The following GALNT14 variants were observed in gnomAD, a reference collection of about 807,000 sequenced individuals.
GALNT14 encodes UDP-GalNAc:polypeptide N-acetylgalactosaminyltransferase 14.
In GALNT14, 60 loss-of-function variants were observed where a neutral mutation model predicts 77.5. That is an observed-to-expected ratio of 0.77 (90% CI 0.63 to 0.96). The LOEUF (loss-of-function observed/expected upper bound fraction) is 0.96, where lower values mean the gene tolerates loss of function less well. Among genes scored for constraint, GALNT14 ranks in the 40% least tolerant of loss-of-function variants. The pLI, the probability that GALNT14 is intolerant of heterozygous loss-of-function variation, is 0.00. For missense variants in GALNT14, 710 were observed against 731.0 expected (o/e 0.97, Z 0.33); for synonymous variants, 280 against 281.7 (o/e 0.99, Z 0.06).
intron 10 of GALNT14, among the ~76,000 whole-genome samples, chr2:30,930,260 C>G (rs1234333354): frequency 2.6e-5 from 4 of 152,180 alleles, no homozygotes; most frequent in African/African-American, 9.7e-5. Flanking sequence ...TCCTCGGGCT[C>G]TTGCTCCTGG....
intron 13 of GALNT14, 72 bp from the exon 14 acceptor site, chr2:30,912,414 T>TA: frequency 6.4e-7 from 1 of 1,557,252 alleles, no homozygotes; most frequent in South Asian, 1.2e-5. Context: ...CAACCACACT[T>TA]ACGGGTGTGA....
rs542253733 is a variant in GALNT14 at position 31,028,634 on chromosome 2, G to A, written c.130-35627C>T. 2.6e-4 allele frequency among the ~76,000 whole-genome samples: 39 copies of A among 152,344 alleles called. 1 individual carries two copies. The East Asian group carries it at 5.2e-3, about 20-fold the overall frequency. The stretch of plus-strand genomic sequence containing the variant: ...CAAAGCCTTCGAGGCAGCAGGAGGC[G>A]GGGTAGCGGTGAAACACCAGGGGCT... On this transcript the variant is annotated intron_variant, in intron 1 of 14. Coordinates refer to ENST00000349752, the MANE Select transcript of GALNT14 (RefSeq NM_024572.4).
chr2:30,919,529 T>A (rs1031550572), intron 13 of GALNT14, among the ~76,000 whole-genome samples: 7 of 152,194 alleles, frequency 4.6e-5, no homozygotes, highest in African/African-American at 1.7e-4. Context: ...TCTCTGGTGC[T>A]TTTACTCCAC....
intron 6 of GALNT14, among the ~76,000 whole-genome samples, chr2:30,954,113 C>A (rs984469177): frequency 1.3e-5 from 2 of 152,084 alleles, no homozygotes; most frequent in East Asian, 3.9e-4. Context: ...GTGGACGAGG[C>A]CCCACAGAGC....
At chr2:31,090,090 G>A (rs1048137497) in intron 1 of GALNT14, among the ~76,000 whole-genome samples, 1 of 152,122 alleles carries the variant, frequency 6.6e-6, no homozygotes, top group Admixed American at 6.5e-5. Context: ...CAAGGGCTCC[G>A]ATCCACCCTC....
Position 31,039,741 on chromosome 2 carries a change from C to T in GALNT14, c.130-46734G>A, listed in dbSNP as rs139691158. Among the ~76,000 whole-genome samples, 798 of 152,116 alleles carry T rather than the reference C, an allele frequency of 5.2e-3. 8 individuals are homozygous for T. Among genetic ancestry groups the T allele is most frequent in the African/African-American group, 0.019 (772 of 41,476 alleles). ...AACATAGGAGGGTAACTTAAAAGAA[C>T]GTGCAGGCCCGCAGGCACACTTACC... On this transcript the variant is annotated intron_variant, in intron 1 of 14. Coordinates refer to ENST00000349752, the MANE Select transcript of GALNT14 (RefSeq NM_024572.4).
chr2:30,945,971 T>C (rs1456240678), intron 6 of GALNT14, 101 bp from the exon 7 acceptor site: 4 of 918,574 alleles, frequency 4.4e-6, no homozygotes, highest in Middle Eastern at 2.5e-4. Flanking sequence ...AGATGAGTTT[T>C]GTGGCCTTCA....
At chr2:31,072,311 ACACACACACACG>A (rs1675457898) in intron 1 of GALNT14, among the ~76,000 whole-genome samples, 1 of 140,684 alleles carries the variant, frequency 7.1e-6, no homozygotes, top group Non-Finnish European at 1.6e-5. Context: ...ACATACACAC[ACACACACACACG>A]CATGCGGACG....
intron 1 of GALNT14, among the ~76,000 whole-genome samples, chr2:31,104,504 C>T (rs1677452390): frequency 6.6e-6 from 1 of 152,170 alleles, no homozygotes; most frequent in South Asian, 2.1e-4. Context: ...ACCCAGTCCA[C>T]AGATCCTATG....
intron 2 of GALNT14, among the ~76,000 whole-genome samples, chr2:30,987,498 A>G (rs928883648): frequency 5.3e-5 from 8 of 152,136 alleles, no homozygotes; most frequent in African/African-American, 1.9e-4. Context: ...CTCGTAAAAT[A>G]CCGTGGACTT....
chr2:31,041,874 G>A (rs1221962517), intron 1 of GALNT14, among the ~76,000 whole-genome samples: 1 of 152,188 alleles, frequency 6.6e-6, no homozygotes, highest in South Asian at 2.1e-4. Context: ...TCACAGATGT[G>A]AAGCAGAGCC....
At chr2:31,007,218 C>T (rs775275638) in intron 1 of GALNT14, among the ~76,000 whole-genome samples, 3 of 152,106 alleles carry the variant, frequency 2.0e-5, no homozygotes, top group African/African-American at 4.8e-5. Context: ...GTGCTACAGG[C>T]GACGTGGCAA....
chr2:31,002,767 C>T (rs1258943103), intron 1 of GALNT14, among the ~76,000 whole-genome samples: 1 of 152,192 alleles, frequency 6.6e-6, no homozygotes, highest in African/African-American at 2.4e-5. Flanking sequence ...AAGAGGATGA[C>T]TGTCAGTGGC....
At chr2:30,988,534 C>A (rs532572172) in intron 2 of GALNT14, among the ~76,000 whole-genome samples, 1 of 152,250 alleles carries the variant, frequency 6.6e-6, no homozygotes, top group South Asian at 2.1e-4. Context: ...GAGCCCGAGA[C>A]AGAAGTCATG....
chr2:30,916,695 G>T (rs1329101370), intron 13 of GALNT14, among the ~76,000 whole-genome samples: 1 of 152,238 alleles, frequency 6.6e-6, no homozygotes, highest in African/African-American at 2.4e-5. Flanking sequence ...AGCTGTGGAA[G>T]CTGGGATGCA....
In GALNT14 at chr2:30,929,951, A is replaced by G. The variant is rs76680255; in HGVS notation, c.1059-464T>C. Among the ~76,000 whole-genome samples, 1,339 of 152,304 alleles carry G rather than the reference A, an allele frequency of 8.8e-3. 15 individuals carry two copies. The highest frequency in any genetic ancestry group is 0.033 in the South Asian group (161 of 4,822). On this transcript the variant is annotated intron_variant, in intron 10 of 14. Coordinates refer to ENST00000349752, the MANE Select transcript of GALNT14 (RefSeq NM_024572.4). ...GGTTGTCTACCTGCATTTTGACTGCAACCCGTCACATGAGGTCAGGTGTGG... is the reference window on the plus strand; with the variant it reads ...GGTTGTCTACCTGCATTTTGACTGCGACCCGTCACATGAGGTCAGGTGTGG...
At chr2:31,075,626 CA>C (rs1675727282) in intron 1 of GALNT14, among the ~76,000 whole-genome samples, 1 of 152,228 alleles carries the variant, frequency 6.6e-6, no homozygotes, top group Non-Finnish European at 1.5e-5. Context: ...AGCGTGTTTA[CA>C]AGAGCTATTA....
Position 31,138,177 on chromosome 2 carries a change from C to T in GALNT14, c.-91G>A. ...GGCGGGGCAGGAGTCCTGGCGAGCG[C>T]CTCGCTCTGGGGAGCTCTAGACCCA... On this transcript the variant is annotated 5_prime_UTR_variant, in exon 1 of 15. Coordinates refer to ENST00000349752, the MANE Select transcript of GALNT14 (RefSeq NM_024572.4). 1 of 1,551,954 alleles carries T rather than the reference C, an allele frequency of 6.4e-7. No individual in the cohort carries two copies. The highest frequency in any genetic ancestry group is 8.8e-7 in the Non-Finnish European group (1 of 1,132,050).
intron 1 of GALNT14, among the ~76,000 whole-genome samples, chr2:31,051,291 A>T (rs1673850562): frequency 6.6e-6 from 1 of 152,196 alleles, no homozygotes; most frequent in Non-Finnish European, 1.5e-5. Context: ...ACCAGTCTAG[A>T]TGTTGCTGTG....
Sources: gnomAD v4.1 joint callset for allele counts (sites outside exome capture counted in the v4.1 genomes callset) on GRCh38, gnomAD v4.1.1 for gene constraint, MANE v1.5 for transcripts, NCBI Gene and HGNC (gene_info 2026-07-23, HGNC 2026-07-21) for gene names.